Variants in LRRC7 observed in about 807,000 individuals in gnomAD.
LRRC7 encodes the protein leucine-rich repeat-containing protein 7.
LRRC7 carries 23 observed loss-of-function variants against 175.7 expected under a neutral mutation model. The ratio of observed to expected loss-of-function variants is 0.13; its 90% confidence interval spans 0.09 to 0.19. The LOEUF is 0.19. Ranked by LOEUF, LRRC7 falls within the 10% of genes least tolerant of loss-of-function variation. The pLI is 1.00. For missense variants in LRRC7, 1,354 were observed against 1,904.7 expected, an observed-to-expected ratio of 0.71 and a Z score of 5.38; for synonymous variants, 685 against 680.9, an observed-to-expected ratio of 1.01 and a Z score of -0.09.
chr1:69,786,495 T>C (rs974475165), intron 3 of LRRC7, among the ~76,000 whole-genome samples: 1 of 152,002 alleles, frequency 6.6e-6, no homozygotes, highest in African/African-American at 2.4e-5. Flanking sequence ...CCTGTATTAG[T>C]CTATTTTCAT....
intron 15 of LRRC7, among the ~76,000 whole-genome samples, chr1:70,019,526 T>G (rs1657263897): frequency 6.6e-6 from 1 of 152,018 alleles, no homozygotes; most frequent in South Asian, 2.1e-4. Context: ...AAGAGTAAAC[T>G]TATTTTAATC....
At chr1:70,029,725 A>T (rs1392954375) in intron 18 of LRRC7, among the ~76,000 whole-genome samples, 1 of 152,174 alleles carries the variant, frequency 6.6e-6, no homozygotes, top group Admixed American at 6.6e-5. Flanking sequence ...ACAGTTTAAC[A>T]TCAAAATAAC....
At chr1:69,651,192 A>G (rs1383641153) in intron 1 of LRRC7, among the ~76,000 whole-genome samples, 2 of 152,192 alleles carry the variant, frequency 1.3e-5, no homozygotes, top group Admixed American at 1.3e-4. Flanking sequence ...TGTATAAGTA[A>G]TTTCAAATCT....
At chr1:69,911,445 A>G (rs1646527959) in intron 7 of LRRC7, among the ~76,000 whole-genome samples, 1 of 152,152 alleles carries the variant, frequency 6.6e-6, no homozygotes, top group Admixed American at 6.5e-5. Context: ...CCTTTTCTCC[A>G]CAACCTCACC....
At position 70,039,657 on chromosome 1, in the gene LRRC7, A is replaced by G. The variant is rs749307728; in HGVS notation, c.3833A>G (p.Tyr1278Cys). The stretch of plus-strand genomic sequence containing the variant: ...CCATCTGACTATAACTTGGGTAACT[A>G]TGGTGACAAGCCATCAGATAACAGT... ...KIPSDYNLGN[Y>C]GDKPSDNSDL... Residue 1278 changes from tyrosine (Y) to cysteine (C), a missense_variant, in exon 21 of 27, where the codon TAT becomes TGT. Tyr to Cys is a radical substitution (Grantham distance 194). Around this residue, in one of 4 missense-constraint regions of LRRC7, gnomAD observed 1,032 missense variants for 1,227.2 expected, o/e 0.84. Transcript: ENST00000651989. 5.0e-6 allele frequency: 8 copies of G among 1,613,984 alleles called. No individual in the cohort carries two copies. In the East Asian group the frequency reaches 1.6e-4, roughly 31 times the overall value.
At chr1:69,605,428 T>C (rs1051280520) in intron 1 of LRRC7, among the ~76,000 whole-genome samples, 3 of 152,222 alleles carry the variant, frequency 2.0e-5, no homozygotes, top group Non-Finnish European at 2.9e-5. Context: ...CTGATTGACC[T>C]GGATGATTCT....
intron 7 of LRRC7, among the ~76,000 whole-genome samples, chr1:69,908,078 A>T (rs1029198527): frequency 2.6e-5 from 4 of 152,000 alleles, no homozygotes; most frequent in African/African-American, 9.7e-5. Flanking sequence ...TCTGATGGTA[A>T]TTTGTATTTC....
At chr1:69,611,129 C>T (rs1207174649) in intron 1 of LRRC7, among the ~76,000 whole-genome samples, 1 of 151,994 alleles carries the variant, frequency 6.6e-6, no homozygotes, top group Non-Finnish European at 1.5e-5. Context: ...ACTTTTGAAA[C>T]TTTTGACCAA....
At chr1:69,733,202 G>A (rs6667737) in intron 2 of LRRC7, among the ~76,000 whole-genome samples, 104,769 of 151,782 alleles carry the variant, frequency 0.69, 36,627 homozygotes, top group East Asian at 0.92. Flanking sequence ...TTGAGACTAG[G>A]ATTCACTTCT....
intron 2 of LRRC7, among the ~76,000 whole-genome samples, chr1:69,727,885 T>G (rs1667149592): frequency 6.6e-6 from 1 of 152,200 alleles, no homozygotes; most frequent in Admixed American, 6.5e-5. Flanking sequence ...TTGGCAATTA[T>G]TAATTTATGG....
intron 1 of LRRC7, among the ~76,000 whole-genome samples, chr1:69,659,688 G>C (rs145861656): frequency 9.2e-5 from 14 of 151,848 alleles, no homozygotes; most frequent in African/African-American, 3.4e-4. Flanking sequence ...CAACAGAGAG[G>C]GTTTAAAAAA....
intron 8 of LRRC7, among the ~76,000 whole-genome samples, chr1:69,970,511 A>G (rs1557942791): frequency 6.6e-6 from 1 of 152,198 alleles, no homozygotes; most frequent in Non-Finnish European, 1.5e-5. Context: ...CTTTATGTAC[A>G]CAAACTAGAA....
At chr1:69,574,391 T>C (rs889656954) in intron 1 of LRRC7, among the ~76,000 whole-genome samples, 1 of 152,134 alleles carries the variant, frequency 6.6e-6, no homozygotes, top group African/African-American at 2.4e-5. Flanking sequence ...TACAGGATTT[T>C]ATGTTATTAT....
chr1:69,657,547 T>C (rs534135334), intron 1 of LRRC7, among the ~76,000 whole-genome samples: 2 of 151,882 alleles, frequency 1.3e-5, no homozygotes, highest in Admixed American at 6.6e-5. Flanking sequence ...AATGTATACA[T>C]TGTATTTTTC....
At chr1:70,065,283 A>G (rs1401281905) in intron 23 of LRRC7, among the ~76,000 whole-genome samples, 1 of 151,988 alleles carries the variant, frequency 6.6e-6, no homozygotes, top group Non-Finnish European at 1.5e-5. Context: ...TTCAGGAGAA[A>G]TGTTCACCTT....
rs367923027 is a variant in LRRC7, at chr1:69,815,755, C to T, written c.422-9993C>T. On this transcript the variant is annotated intron_variant, in intron 4 of 26. Transcript: ENST00000651989. ...TTATAAACAACAAACATTTATTTCT[C>T]ACAGTTCTGGAGGCTGGGAAATCCA... is the stretch of plus-strand genomic sequence containing the variant. 4.9e-4 allele frequency among the ~76,000 whole-genome samples: 74 copies of T among 152,214 alleles called. 1 individual carries two copies. Among genetic ancestry groups the T allele is most frequent in the African/African-American group, 1.6e-3 (66 of 41,546 alleles).
At chr1:69,721,580 A>G (rs1467672285) in intron 2 of LRRC7, among the ~76,000 whole-genome samples, 5 of 151,852 alleles carry the variant, frequency 3.3e-5, no homozygotes, top group Non-Finnish European at 7.4e-5. Flanking sequence ...CCATTATATA[A>G]TATATCACAA....
At chr1:69,686,241 C>T (rs936883068) in intron 2 of LRRC7, among the ~76,000 whole-genome samples, 1 of 152,142 alleles carries the variant, frequency 6.6e-6, no homozygotes, top group Non-Finnish European at 1.5e-5. Flanking sequence ...CCTTCCCCAA[C>T]ACAATGGCTA....
intron 15 of LRRC7, among the ~76,000 whole-genome samples, chr1:70,020,187 T>C (rs1329077188): frequency 6.6e-6 from 1 of 152,004 alleles, no homozygotes; most frequent in Non-Finnish European, 1.5e-5. Context: ...GAATCCCTTG[T>C]AACAAAGAAA....
Sources: allele counts gnomAD v4.1 joint callset (sites outside exome capture counted in the v4.1 genomes callset), GRCh38; gene constraint gnomAD v4.1.1; regional missense constraint gnomAD v4.1.1; transcripts MANE v1.5; gene names NCBI Gene and HGNC (gene_info 2026-07-23, HGNC 2026-07-21).